The following TMEM117 variants were observed in gnomAD, a reference collection of about 807,000 sequenced individuals.
TMEM117 encodes the protein transmembrane protein 117.
In TMEM117, 27 loss-of-function variants were observed where a neutral mutation model predicts 52.4. The observed-to-expected ratio is 0.51, with a 90% CI of 0.38 to 0.71. The LOEUF (loss-of-function observed/expected upper bound fraction) is 0.71, where lower values mean the gene tolerates loss of function less well. TMEM117 is among the 30% of genes least tolerant of loss of function. TMEM117 has a pLI of 0.00. For missense variants in TMEM117, 556 were observed against 630.5 expected, an observed-to-expected ratio of 0.88 and a Z score of 1.26; for synonymous variants, 215 against 206.3, an observed-to-expected ratio of 1.04 and a Z score of -0.36.
At chr12:43,899,411 G>T (rs1191713472) in intron 2 of TMEM117, among the ~76,000 whole-genome samples, 1 of 152,068 alleles carries the variant, frequency 6.6e-6, no homozygotes, top group South Asian at 2.1e-4. Flanking sequence ...GTGGTTGGGG[G>T]TTTTATTGTA....
intron 3 of TMEM117, among the ~76,000 whole-genome samples, chr12:44,105,497 G>GT (rs147968285): frequency 0.12 from 17,318 of 149,668 alleles, 2,476 homozygotes; most frequent in African/African-American, 0.34. Flanking sequence ...TTCAAAGTGT[G>GT]TTTTTTTTTG....
chr12:43,920,321 C>G (rs1185792922), intron 2 of TMEM117, among the ~76,000 whole-genome samples: 1 of 152,060 alleles, frequency 6.6e-6, no homozygotes, highest in Non-Finnish European at 1.5e-5. Flanking sequence ...GTCAGAAGAT[C>G]AAGACCACGG....
the TMEM117 span, among the ~76,000 whole-genome samples, chr12:43,818,321 T>G: frequency 5.3e-5 from 8 of 152,144 alleles, no homozygotes; most frequent in Non-Finnish European, 1.0e-4. Flanking sequence ...TAAAATGAAC[T>G]TTTAAACACC....
chr12:43,984,095 G>A (rs1218561778), intron 3 of TMEM117, among the ~76,000 whole-genome samples: 1 of 151,952 alleles, frequency 6.6e-6, no homozygotes, highest in East Asian at 1.9e-4. Context: ...TGGCTGAATG[G>A]GGTGGCTCAC....
At chr12:43,855,455 T>A (rs1623667) in intron 2 of TMEM117, among the ~76,000 whole-genome samples, 103,214 of 151,824 alleles carry the variant, frequency 0.68, 40,228 homozygotes, top group East Asian at 0.87. Context: ...CATGATTTTT[T>A]AAAAATGCTG....
intron 4 of TMEM117, among the ~76,000 whole-genome samples, chr12:44,163,833 A>G (rs1366819896): frequency 1.3e-5 from 2 of 152,264 alleles, no homozygotes; most frequent in African/African-American, 2.4e-5. Flanking sequence ...TAAGACAAAC[A>G]TTGAACCTGC....
intron 5 of TMEM117, among the ~76,000 whole-genome samples, chr12:44,292,196 T>TA (rs1372198189): frequency 1.3e-5 from 2 of 152,010 alleles, no homozygotes; most frequent in Non-Finnish European, 2.9e-5. Flanking sequence ...TGGTAACTTG[T>TA]ATGTTTCTAG....
At chr12:44,290,278 T>C (rs1212950874) in intron 5 of TMEM117, among the ~76,000 whole-genome samples, 1 of 152,194 alleles carries the variant, frequency 6.6e-6, no homozygotes, top group Non-Finnish European at 1.5e-5. Context: ...TTTTGTGTCA[T>C]ATACAAAAAA....
chr12:43,874,021 A>G (rs1215443324), intron 2 of TMEM117, among the ~76,000 whole-genome samples: 3 of 151,510 alleles, frequency 2.0e-5, no homozygotes, highest in Non-Finnish European at 2.9e-5. Flanking sequence ...TTCATTTGTT[A>G]TATTCTAGTC....
intron 4 of TMEM117, among the ~76,000 whole-genome samples, chr12:44,183,089 A>G (rs1401874276): frequency 4.6e-5 from 7 of 152,184 alleles, no homozygotes. Context: ...GGATTTAGAA[A>G]ATTTAGAAAT....
intron 4 of TMEM117, among the ~76,000 whole-genome samples, chr12:44,155,399 C>G (rs190765686): frequency 1.3e-5 from 2 of 152,148 alleles, no homozygotes; most frequent in African/African-American, 2.4e-5. Flanking sequence ...TGGTCTTGTT[C>G]CAGCCAGCCC....
intron 5 of TMEM117, among the ~76,000 whole-genome samples, chr12:44,255,481 T>C (rs1447802015): frequency 6.6e-6 from 1 of 152,170 alleles, no homozygotes; most frequent in East Asian, 1.9e-4. Context: ...ATATGACATA[T>C]AGTAACTAAA....
At chr12:44,218,424 A>C (rs1478601291) in intron 5 of TMEM117, among the ~76,000 whole-genome samples, 1 of 152,194 alleles carries the variant, frequency 6.6e-6, no homozygotes, top group Non-Finnish European at 1.5e-5. Flanking sequence ...AGCATTTGAC[A>C]AAAGTCAACA....
chr12:43,927,450 G>T (rs530578879), intron 2 of TMEM117, among the ~76,000 whole-genome samples: 35 of 145,342 alleles, frequency 2.4e-4, no homozygotes, highest in South Asian at 4.3e-4. Context: ...TTTGTTTTTG[G>T]TTTTTTTTTT....
chr12:44,017,161 A>T (rs1946384594), intron 3 of TMEM117, among the ~76,000 whole-genome samples: 1 of 151,852 alleles, frequency 6.6e-6, no homozygotes, highest in Non-Finnish European at 1.5e-5. Context: ...TGATCTGCTC[A>T]TTTAGCAGGA....
Position 44,098,141 on chromosome 12 carries a change from A to C in TMEM117, c.411-45384A>C, listed in dbSNP as rs182727857. Among the ~76,000 whole-genome samples the C allele has an allele frequency of 3.7e-3, 558 of 152,210 alleles. 4 individuals are homozygous for C. The highest frequency in any genetic ancestry group is 0.013 in the African/African-American group (540 of 41,546). On this transcript the variant is annotated intron_variant, in intron 3 of 7. Transcript: ENST00000266534. ...ATTGGTCAGCATTGCAAACATAGAA[A>C]AAGGTGAGTTGAATTCATTCAGCCA...
At chr12:44,293,315 G>A (rs934732026) in intron 5 of TMEM117, among the ~76,000 whole-genome samples, 9 of 151,814 alleles carry the variant, frequency 5.9e-5, no homozygotes, top group Non-Finnish European at 1.2e-4. Context: ...GTGTCCTTAA[G>A]ACTAAAATGA....
At chr12:43,987,688 G>C (rs941760022) in intron 3 of TMEM117, among the ~76,000 whole-genome samples, 12 of 151,740 alleles carry the variant, frequency 7.9e-5, no homozygotes, top group African/African-American at 2.7e-4. Flanking sequence ...TCATGTGCTT[G>C]TTAGCATATG....
intron 3 of TMEM117, among the ~76,000 whole-genome samples, chr12:44,063,925 T>C (rs1947182162): frequency 1.3e-5 from 2 of 152,128 alleles, no homozygotes; most frequent in Admixed American, 1.3e-4. Flanking sequence ...AGATATGGCA[T>C]TAATCAGAAG....
Sources: allele counts gnomAD v4.1 joint callset (sites outside exome capture counted in the v4.1 genomes callset), GRCh38; gene constraint gnomAD v4.1.1; transcripts MANE v1.5; gene names NCBI Gene and HGNC (gene_info 2026-07-23, HGNC 2026-07-21).